Variants in PKNOX2 observed in about 807,000 individuals in gnomAD.
PKNOX2 encodes the protein homeobox protein PKNOX2.
In PKNOX2, 14 loss-of-function variants were observed where a neutral mutation model predicts 53.1. That is an observed-to-expected ratio of 0.26 (90% confidence interval 0.17 to 0.41). The LOEUF (loss-of-function observed/expected upper bound fraction) is 0.41, where lower values mean the gene tolerates loss of function less well. PKNOX2 is among the 10% of genes least tolerant of loss of function. The pLI is 1.00. For missense variants in PKNOX2, 496 were observed against 602.8 expected (o/e 0.82, Z 1.85); for synonymous variants, 257 against 242.8 (o/e 1.06, Z -0.54).
At chr11:125,356,035 C>T (rs1032740065) in intron 4 of PKNOX2, among the ~76,000 whole-genome samples, 1 of 148,520 alleles carries the variant, frequency 6.7e-6, no homozygotes, top group Non-Finnish European at 1.5e-5. Context: ...CAGCACCCCC[C>T]CCCCCACAAC....
intron 4 of PKNOX2, among the ~76,000 whole-genome samples, chr11:125,365,439 C>A (rs1465455676): frequency 1.3e-5 from 2 of 152,110 alleles, no homozygotes; most frequent in Admixed American, 6.5e-5. Flanking sequence ...CCATGTCTCT[C>A]CTTCCCTGCA....
chr11:125,206,190 TG>T (rs1305120903), intron 1 of PKNOX2, among the ~76,000 whole-genome samples: 1 of 151,468 alleles, frequency 6.6e-6, no homozygotes, highest in Non-Finnish European at 1.5e-5. Flanking sequence ...TAGTGGGCGG[TG>T]GGGGGGAGAA....
At chr11:125,367,216 C>T (rs1368107252) in intron 4 of PKNOX2, among the ~76,000 whole-genome samples, 9 of 152,086 alleles carry the variant, frequency 5.9e-5, no homozygotes, top group Non-Finnish European at 1.2e-4. Context: ...TTGTCGGCCT[C>T]GGGACACCTT....
At chr11:125,224,772 C>T (rs979876117) in intron 1 of PKNOX2, among the ~76,000 whole-genome samples, 1 of 152,230 alleles carries the variant, frequency 6.6e-6, no homozygotes, top group Non-Finnish European at 1.5e-5. Context: ...AGCCAAACTC[C>T]CTCATAATCA....
At chr11:125,288,153 A>G (rs1365196) in intron 2 of PKNOX2, 35,729 of 152,180 alleles carry the variant, frequency 0.23, 5,260 homozygotes, top group African/African-American at 0.42. Flanking sequence ...CCACATGCCC[A>G]GGAACAGAAG....
intron 2 of PKNOX2, among the ~76,000 whole-genome samples, chr11:125,237,228 G>A (rs1171227807): frequency 6.6e-6 from 1 of 152,180 alleles, no homozygotes; most frequent in Non-Finnish European, 1.5e-5. Context: ...TTCCAAGGGT[G>A]AGCATCTAAG....
chr11:125,389,667 A>G (rs898217779), intron 6 of PKNOX2, among the ~76,000 whole-genome samples: 20 of 152,328 alleles, frequency 1.3e-4, no homozygotes, highest in South Asian at 1.0e-3. Context: ...ACCCTTTGAA[A>G]GGTAAAAGCT....
At chr11:125,398,150 C>T in intron 7 of PKNOX2, 88 bp downstream of exon 7, 1 of 1,399,088 alleles carries the variant, frequency 7.1e-7, no homozygotes, top group Non-Finnish European at 9.7e-7. Context: ...CCCTGGTGAC[C>T]TTCACTGGGT....
chr11:125,345,692 T>C (rs970657732), intron 3 of PKNOX2, among the ~76,000 whole-genome samples: 1 of 152,188 alleles, frequency 6.6e-6, no homozygotes, highest in Admixed American at 6.5e-5. Context: ...AACTCCGTTC[T>C]ACCAGCAACA....
At chr11:125,357,794 G>A (rs1764477399) in intron 4 of PKNOX2, among the ~76,000 whole-genome samples, 1 of 152,122 alleles carries the variant, frequency 6.6e-6, no homozygotes, top group Admixed American at 6.5e-5. Context: ...TCAGCAATCA[G>A]GACTTGTAAT....
intron 1 of PKNOX2, among the ~76,000 whole-genome samples, chr11:125,199,497 G>A (rs1018769874): frequency 1.3e-5 from 2 of 152,204 alleles, no homozygotes; most frequent in Non-Finnish European, 2.9e-5. Flanking sequence ...AGAAAACAGT[G>A]TGGCATATTT....
chr11:125,332,507 G>C (rs1209703949), intron 3 of PKNOX2: 1 of 152,130 alleles, frequency 6.6e-6, no homozygotes, highest in African/African-American at 2.4e-5. Flanking sequence ...TTATCTGATA[G>C]GGTTTTTTAA....
chr11:125,170,635 C>A (rs1338353185), intron 1 of PKNOX2, among the ~76,000 whole-genome samples: 1 of 152,212 alleles, frequency 6.6e-6, no homozygotes. Flanking sequence ...GCAGGCCCGG[C>A]CTGCCTGGGT....
At chr11:125,287,752 G>C (rs1383648994) in intron 2 of PKNOX2, 1 of 152,302 alleles carries the variant, frequency 6.6e-6, no homozygotes, top group African/African-American at 2.4e-5. Context: ...CTGAGCTGCA[G>C]AATTTATGGA....
At chr11:125,274,766 G>T (rs1334585932) in intron 2 of PKNOX2, among the ~76,000 whole-genome samples, 4 of 152,202 alleles carry the variant, frequency 2.6e-5, no homozygotes, top group Non-Finnish European at 5.9e-5. Context: ...ATGACCACCT[G>T]TGAGGAATGT....
At chr11:125,339,550 T>C (rs1244208623) in intron 3 of PKNOX2, among the ~76,000 whole-genome samples, 3 of 152,130 alleles carry the variant, frequency 2.0e-5, no homozygotes, top group South Asian at 2.1e-4. Flanking sequence ...GCCAAGGGTG[T>C]GTGGGGAAAG....
intron 3 of PKNOX2, among the ~76,000 whole-genome samples, chr11:125,333,689 G>T (rs1439288198): frequency 6.6e-6 from 1 of 152,142 alleles, no homozygotes. Flanking sequence ...GACAATTTTT[G>T]CAGCTAATGC....
At position 125,178,677 on chromosome 11, in the gene PKNOX2, A is replaced by G. The variant is rs1277812714; in HGVS notation, c.-201+13901A>G. Among the ~76,000 whole-genome samples, 115 of 57,750 alleles carry G rather than the reference A, an allele frequency of 2.0e-3. 3 individuals carry two copies. The highest frequency in any genetic ancestry group is 2.8e-3 in the Admixed American group (18 of 6,350). 37.9% of individuals were successfully genotyped at this position (57,750 alleles called of 152,430 possible). A position where few individuals can be genotyped will look rare whatever the true frequency, so the allele number is the denominator to read the frequency against. On this transcript the variant is annotated intron_variant, in intron 1 of 12. Coordinates refer to ENST00000298282, the MANE Select transcript of PKNOX2 (RefSeq NM_001382323.2). ...AGGAAGGAAGGAAGGAAGGAAAGAA[A>G]GAGAGAGAGAGAGAGAGAGAGAAAG...
intron 2 of PKNOX2, among the ~76,000 whole-genome samples, chr11:125,278,695 C>G (rs1946347664): frequency 6.6e-6 from 1 of 152,144 alleles, no homozygotes; most frequent in South Asian, 2.1e-4. Context: ...CACAGCCCAT[C>G]CTGGAGGTGT....
Sources: allele counts gnomAD v4.1 joint callset (sites outside exome capture counted in the v4.1 genomes callset), GRCh38; gene constraint gnomAD v4.1.1; transcripts MANE v1.5; gene names NCBI Gene and HGNC (gene_info 2026-07-23, HGNC 2026-07-21).